NCKAP5: variants seen among roughly 807,000 people sequenced by gnomAD.
The protein encoded by NCKAP5 is NCK associated protein 5.
NCKAP5 carries 92 observed loss-of-function variants against 167.0 expected under a neutral mutation model. The observed-to-expected ratio is 0.55, with a 90% CI of 0.47 to 0.66. The LOEUF is 0.66. Ranked by LOEUF, NCKAP5 falls within the 30% of genes least tolerant of loss-of-function variation. The probability of loss-of-function intolerance (pLI) is 0.00; values close to 1 mark genes in which losing one functional copy is unlikely to be tolerated. For synonymous variants in NCKAP5, 891 were observed against 877.4 expected, an observed-to-expected ratio of 1.02 and a Z score of -0.27; for missense variants, 2,378 against 2,315.0, an observed-to-expected ratio of 1.03 and a Z score of -0.56.
chr2:133,165,712 T>C (rs909221203), intron 5 of NCKAP5, among the ~76,000 whole-genome samples: 1 of 152,178 alleles, frequency 6.6e-6, no homozygotes, highest in Non-Finnish European at 1.5e-5. Flanking sequence ...TGCAAGGGTC[T>C]TGCCTTTAAG....
chr2:132,946,806 G>A (rs2149123676), intron 8 of NCKAP5, among the ~76,000 whole-genome samples: 1 of 152,322 alleles, frequency 6.6e-6, no homozygotes, highest in African/African-American at 2.4e-5. Context: ...GCTGAGGTGA[G>A]AGGATCACTT....
chr2:133,290,206 C>A (rs746433618), intron 4 of NCKAP5, among the ~76,000 whole-genome samples: 3 of 152,108 alleles, frequency 2.0e-5, no homozygotes, highest in Admixed American at 1.3e-4. Context: ...GTAGCTTGAT[C>A]TACATGTCTA....
chr2:132,801,440 T>C (rs1292611503), intron 11 of NCKAP5, among the ~76,000 whole-genome samples: 1 of 152,148 alleles, frequency 6.6e-6, no homozygotes, highest in East Asian at 1.9e-4. Flanking sequence ...TGCACACACA[T>C]GTTCATATAT....
intron 6 of NCKAP5, among the ~76,000 whole-genome samples, chr2:133,026,848 T>C (rs547124556): frequency 4.6e-5 from 7 of 152,314 alleles, no homozygotes; most frequent in African/African-American, 1.7e-4. Context: ...TCTCGCTTGA[T>C]GAATATTTTT....
At chr2:133,311,397 C>T (rs1681221075) in intron 3 of NCKAP5, among the ~76,000 whole-genome samples, 2 of 152,208 alleles carry the variant, frequency 1.3e-5, no homozygotes, top group South Asian at 2.1e-4. Context: ...TCTCCTGGCA[C>T]ACTGCCCTCC....
intron 3 of NCKAP5, among the ~76,000 whole-genome samples, chr2:133,470,792 C>T (rs1679203197): frequency 6.6e-6 from 1 of 152,240 alleles, no homozygotes; most frequent in Non-Finnish European, 1.5e-5. Context: ...TGTCCGTCAC[C>T]CCTTTCTTTG....
chr2:132,830,056 G>T (rs1687409304), intron 11 of NCKAP5, among the ~76,000 whole-genome samples: 1 of 152,106 alleles, frequency 6.6e-6, no homozygotes, highest in African/African-American at 2.4e-5. Context: ...CAAGCTTTCT[G>T]CTCCTCTTAC....
chr2:133,312,889 T>A (rs891358577), intron 3 of NCKAP5, among the ~76,000 whole-genome samples: 2 of 152,180 alleles, frequency 1.3e-5, no homozygotes, highest in Non-Finnish European at 2.9e-5. Context: ...TTGATGTTGT[T>A]TGTAGATGTT....
rs138048732 is a variant in NCKAP5, at chr2:133,013,183, C to T, written c.342-18944G>A. Among the ~76,000 whole-genome samples the T allele has an allele frequency of 2.8e-3, 432 of 152,260 alleles. 3 individuals are homozygous for T. Among genetic ancestry groups the T allele is most frequent in the African/African-American group, 0.01 (424 of 41,566 alleles). On this transcript the variant is annotated intron_variant, in intron 6 of 19. Transcript: ENST00000409261. ...CCTCTGCCAACAGTGGTGGGATTAGCGTGTGCTTTGGCAACATTAGGTTTT... is the reference window on the plus strand; with the variant it reads ...CCTCTGCCAACAGTGGTGGGATTAGTGTGTGCTTTGGCAACATTAGGTTTT...
At chr2:132,973,719 C>T (rs1288848505) in intron 7 of NCKAP5, among the ~76,000 whole-genome samples, 3 of 151,320 alleles carry the variant, frequency 2.0e-5, no homozygotes, top group African/African-American at 7.3e-5. Flanking sequence ...ATTTCCTCAC[C>T]TTCTTGGAAA....
chr2:133,093,149 AT>A (rs576405506), intron 6 of NCKAP5, among the ~76,000 whole-genome samples: 237 of 152,362 alleles, frequency 1.6e-3, no homozygotes, highest in African/African-American at 5.6e-3. Context: ...TAAGCAATAA[AT>A]ATTAGCTGTT....
intron 3 of NCKAP5, among the ~76,000 whole-genome samples, chr2:133,480,242 G>T (rs1167134794): frequency 6.6e-6 from 1 of 152,072 alleles, no homozygotes; most frequent in African/African-American, 2.4e-5. Flanking sequence ...TAGGGAATTA[G>T]AATTTGGATA....
At chr2:132,907,011 C>G (rs1048525494) in intron 8 of NCKAP5, among the ~76,000 whole-genome samples, 8 of 152,166 alleles carry the variant, frequency 5.3e-5, no homozygotes, top group Non-Finnish European at 1.2e-4. Context: ...AGGATTGTGA[C>G]TTTTGTACCA....
At chr2:133,229,107 C>A (rs771281682) in intron 4 of NCKAP5, among the ~76,000 whole-genome samples, 21 of 152,082 alleles carry the variant, frequency 1.4e-4, no homozygotes, top group Non-Finnish European at 3.1e-4. Flanking sequence ...AGGACACTCT[C>A]AAGAGAGGTA....
At chr2:132,880,286 T>C (rs769526577) in intron 8 of NCKAP5, among the ~76,000 whole-genome samples, 9 of 152,292 alleles carry the variant, frequency 5.9e-5, no homozygotes, top group African/African-American at 2.2e-4. Flanking sequence ...CAACAACGTA[T>C]TGAATATTTC....
chr2:132,959,101 A>T (rs2076432139), intron 8 of NCKAP5, among the ~76,000 whole-genome samples: 1 of 147,610 alleles, frequency 6.8e-6, no homozygotes, highest in African/African-American at 2.5e-5. Flanking sequence ...TTATTAATAT[A>T]TTTAATATTA....
chr2:133,361,410 A>G (rs1362030594), intron 3 of NCKAP5, among the ~76,000 whole-genome samples: 1 of 152,208 alleles, frequency 6.6e-6, no homozygotes, highest in African/African-American at 2.4e-5. Flanking sequence ...CCAAAGTCCT[A>G]TTTTCATGGT....
At chr2:132,819,917 T>C (rs1421393335) in intron 11 of NCKAP5, among the ~76,000 whole-genome samples, 1 of 152,216 alleles carries the variant, frequency 6.6e-6, no homozygotes, top group Non-Finnish European at 1.5e-5. Flanking sequence ...GCGTTTTGCA[T>C]CTTGAAAGAT....
intron 7 of NCKAP5, among the ~76,000 whole-genome samples, chr2:132,991,541 C>T (rs2077447132): frequency 6.6e-6 from 1 of 152,196 alleles, no homozygotes; most frequent in Admixed American, 6.5e-5. Context: ...TTTGGGAACA[C>T]ACCCCCTGAA....
Sources: gnomAD v4.1 joint callset for allele counts (sites outside exome capture counted in the v4.1 genomes callset) on GRCh38, gnomAD v4.1.1 for gene constraint, MANE v1.5 for transcripts, NCBI Gene and HGNC (gene_info 2026-07-23, HGNC 2026-07-21) for gene names.